LAS1L: variants seen among roughly 807,000 people sequenced by gnomAD.
LAS1L encodes the protein ribosomal biogenesis protein LAS1L.
Under a neutral mutation model 57.3 loss-of-function variants are expected in LAS1L, and 5 were observed. That is an observed-to-expected ratio of 0.09 (90% confidence interval 0.05 to 0.18). The LOEUF (loss-of-function observed/expected upper bound fraction) is 0.18. LAS1L is among the 10% of genes least tolerant of loss of function. The pLI is 1.00. For missense variants in LAS1L, 360 were observed against 568.3 expected, an observed-to-expected ratio of 0.63 and a Z score of 3.73; for synonymous variants, 245 against 231.7, an observed-to-expected ratio of 1.06 and a Z score of -0.52.
chrX:65,516,818 G>A (rs187803164), intron 12 of LAS1L, among the ~76,000 whole-genome samples: 1 of 110,772 alleles, frequency 9.0e-6, no homozygotes, highest in African/African-American at 3.3e-5. Context: ...CACACACACA[G>A]AGAGACAGAC....
In LAS1L at chrX:65,532,611, CTGAGA is replaced by C; in HGVS notation, c.377_381del (p.Ile126ArgfsTer26). The C allele has an allele frequency of 8.3e-7, 1 of 1,206,446 alleles. No individual in the cohort carries two copies. Among genetic ancestry groups the C allele is most frequent in the Non-Finnish European group, 1.1e-6 (1 of 890,276 alleles). On this transcript the variant is annotated frameshift_variant, in exon 3 of 14. Coordinates refer to ENST00000374811, the MANE Select transcript of LAS1L (RefSeq NM_031206.7). LOFTEE classifies it high-confidence loss of function. ...ACCTTGGCAAACTTTGTCTTCCTCT[CTGAGA>C]TAAGATTCACAAACCTGGAGTTGAG...
At chrX:65,530,977 G>A (rs2069454804) in intron 4 of LAS1L, among the ~76,000 whole-genome samples, 1 of 110,841 alleles carries the variant, frequency 9.0e-6, no homozygotes, top group Admixed American at 9.6e-5. Context: ...GGTGAGACTC[G>A]TCTCAAAACA....
intron 11 of LAS1L, among the ~76,000 whole-genome samples, chrX:65,520,209 T>C (rs143623711): frequency 1.4e-3 from 151 of 111,752 alleles, no homozygotes; most frequent in African/African-American, 4.7e-3. Context: ...TTCAGGCTGA[T>C]GGGATGAAGG....
chrX:65,514,228 G>A (rs1201543570), intron 13 of LAS1L, among the ~76,000 whole-genome samples: 3 of 111,406 alleles, frequency 2.7e-5, no homozygotes, highest in Non-Finnish European at 5.7e-5. Flanking sequence ...AGGGCTGCTT[G>A]GTTCCTGGCT....
At chrX:65,517,278 C>T (rs1231015350) in intron 12 of LAS1L, among the ~76,000 whole-genome samples, 12 of 100,888 alleles carry the variant, frequency 1.2e-4, no homozygotes, top group Admixed American at 8.5e-4. Context: ...GACGGAGTCT[C>T]GCTCTGTCAC....
chrX:65,533,510 T>G, intron 2 of LAS1L, 100 bp downstream of exon 2: 1 of 799,923 alleles, frequency 1.3e-6, no homozygotes, highest in Non-Finnish European at 1.8e-6. Flanking sequence ...CGCAGGGTTT[T>G]GCTTCAGGTA....
chrX:65,522,628 G>C (rs1198434850), intron 11 of LAS1L: 1 of 111,791 alleles, frequency 8.9e-6, no homozygotes, highest in African/African-American at 3.3e-5. Context: ...AGACAGGATA[G>C]AGAGGAAGCA....
At chrX:65,532,756 G>T in intron 2 of LAS1L, 126 bp from the exon 3 acceptor site, 6 of 501,652 alleles carry the variant, frequency 1.2e-5, no homozygotes. Context: ...CCTACAGCTG[G>T]TGTGTCAGCC....
intron 12 of LAS1L, among the ~76,000 whole-genome samples, chrX:65,516,636 T>TACACACACACACAC (rs57356313): frequency 3.3e-5 from 3 of 89,588 alleles, no homozygotes; most frequent in Admixed American, 1.3e-4. Flanking sequence ...CTTTTTCCTA[T>TACACACACACACAC]ACACACACAC....
intron 6 of LAS1L, among the ~76,000 whole-genome samples, chrX:65,528,698 G>C (rs906875046): frequency 8.8e-6 from 1 of 113,119 alleles, no homozygotes; most frequent in Admixed American, 9.3e-5. Flanking sequence ...ATGAGTTACA[G>C]AAGAAAGATA....
intron 3 of LAS1L, among the ~76,000 whole-genome samples, chrX:65,531,948 AAAAGGCACACACCTCCCCT>A (rs2069518217): frequency 8.9e-6 from 1 of 112,102 alleles, no homozygotes; most frequent in African/African-American, 3.2e-5. Context: ...TCAGAAACAT[AAAAGGCACACACCTCCCCT>A]AACCACCAAC....
intron 7 of LAS1L, among the ~76,000 whole-genome samples, chrX:65,527,800 T>A (rs1307475182): frequency 2.7e-5 from 3 of 109,679 alleles, no homozygotes; most frequent in Admixed American, 1.9e-4. Context: ...GCCACTGCAC[T>A]CCAGCCTGGG....
At chrX:65,526,509 C>T (rs1180312514) in intron 7 of LAS1L, among the ~76,000 whole-genome samples, 3 of 111,458 alleles carry the variant, frequency 2.7e-5, no homozygotes, top group Non-Finnish European at 5.6e-5. Flanking sequence ...ACTTTTGGAA[C>T]GAGTATCCTG....
intron 6 of LAS1L, among the ~76,000 whole-genome samples, chrX:65,528,622 T>C (rs1251054132): frequency 8.9e-6 from 1 of 112,765 alleles, no homozygotes; most frequent in Non-Finnish European, 1.9e-5. Flanking sequence ...TACTGAGATG[T>C]TCAATGGGGG....
intron 13 of LAS1L, 129 bp downstream of exon 13, chrX:65,514,694 G>A (rs2068567530): frequency 1.6e-6 from 1 of 627,123 alleles, no homozygotes; most frequent in Non-Finnish European, 2.4e-6. Flanking sequence ...AGGGACTGGG[G>A]CTTACACTTC....
At chrX:65,533,172 G>A (rs1304973515) in intron 2 of LAS1L, among the ~76,000 whole-genome samples, 1 of 111,227 alleles carries the variant, frequency 9.0e-6, no homozygotes, top group African/African-American at 3.3e-5. Flanking sequence ...ATCTTTCAGT[G>A]TTCATGAGGG....
At position 65,518,240 on chromosome X, in the gene LAS1L, C is replaced by T. The variant is rs746341997; in HGVS notation, c.1674G>A (p.Gln558=). 1.7e-6 allele frequency: 2 copies of T among 1,212,103 alleles called. No homozygotes were observed. Among genetic ancestry groups the T allele is most frequent in the Non-Finnish European group, 2.2e-6 (2 of 895,597 alleles). The change falls in exon 12 of 14, where the codon CAG becomes CAA. Residue 558 remains glutamine, a synonymous_variant. Transcript: ENST00000374811. ...CTTCCTTGACATCATTAACACTGCC[C>T]TGCTCCTCCTGTTGCTGGGCCTTTG... ...SEAKAQQQEE[Q]GSVNDVKEEE...
At chrX:65,520,503 C>A in intron 11 of LAS1L, 1 of 754,474 alleles carries the variant, frequency 1.3e-6, no homozygotes, top group Non-Finnish European at 1.6e-6. Context: ...CAGATGCTTT[C>A]TGCAATAATA....
At chrX:65,521,291 C>T in intron 11 of LAS1L, 1 of 753,813 alleles carries the variant, frequency 1.3e-6, no homozygotes, top group Non-Finnish European at 1.6e-6. Flanking sequence ...GACAGCACTG[C>T]TGGGAATGAG....
Sources: gnomAD v4.1 joint callset for allele counts (sites outside exome capture counted in the v4.1 genomes callset) on GRCh38, gnomAD v4.1.1 for gene constraint, MANE v1.5 for transcripts, NCBI Gene and HGNC (gene_info 2026-07-23, HGNC 2026-07-21) for gene names.